TSHZ1: variants seen among roughly 807,000 people sequenced by gnomAD.
The protein encoded by TSHZ1 is teashirt zinc finger homeobox 1.
Under a neutral mutation model 67.1 loss-of-function variants are expected in TSHZ1, and 12 were observed. The ratio of observed to expected loss-of-function variants is 0.18; its 90% confidence interval spans 0.11 to 0.29. The LOEUF (loss-of-function observed/expected upper bound fraction) is 0.29, where lower values mean the gene tolerates loss of function less well. TSHZ1 is among the 10% of genes least tolerant of loss of function. The pLI is 1.00. For synonymous variants in TSHZ1, 632 were observed against 622.4 expected, an observed-to-expected ratio of 1.02 and a Z score of -0.23; for missense variants, 1,305 against 1,413.9, an observed-to-expected ratio of 0.92 and a Z score of 1.23.
intron 1 of TSHZ1, among the ~76,000 whole-genome samples, chr18:75,275,089 G>T (rs1437674199): frequency 6.6e-6 from 1 of 152,188 alleles, no homozygotes; most frequent in Non-Finnish European, 1.5e-5. Flanking sequence ...CAGGTGCCTG[G>T]TACACGTCCT....
At chr18:75,227,129 C>G (rs75248533) in intron 1 of TSHZ1, among the ~76,000 whole-genome samples, 1 of 152,144 alleles carries the variant, frequency 6.6e-6, no homozygotes, top group Non-Finnish European at 1.5e-5. Flanking sequence ...GAGTAATACT[C>G]AGTGAGACAA....
chr18:75,251,540 G>A (rs138812085), intron 1 of TSHZ1, among the ~76,000 whole-genome samples: 2 of 135,686 alleles, frequency 1.5e-5, no homozygotes, highest in Non-Finnish European at 3.1e-5. Context: ...GGCACCTACT[G>A]CAAACCTGTT....
intron 1 of TSHZ1, among the ~76,000 whole-genome samples, chr18:75,234,915 C>A (rs2023047943): frequency 6.6e-6 from 1 of 152,170 alleles, no homozygotes; most frequent in Non-Finnish European, 1.5e-5. Flanking sequence ...CCTTTTATTT[C>A]ATTTTCTCAG....
At chr18:75,261,789 T>C (rs2023433856) in intron 1 of TSHZ1, among the ~76,000 whole-genome samples, 1 of 152,236 alleles carries the variant, frequency 6.6e-6, no homozygotes, top group Non-Finnish European at 1.5e-5. Flanking sequence ...GTATTTGAAA[T>C]CAAATGAGAG....
At chr18:75,273,626 G>A (rs561635573) in intron 1 of TSHZ1, among the ~76,000 whole-genome samples, 64 of 152,250 alleles carry the variant, frequency 4.2e-4, no homozygotes, top group African/African-American at 1.4e-3. Flanking sequence ...GTGTGTTTAC[G>A]TTGTAAACCG....
intron 1 of TSHZ1, among the ~76,000 whole-genome samples, chr18:75,231,792 C>T (rs2122535551): frequency 6.6e-6 from 1 of 152,222 alleles, no homozygotes; most frequent in Non-Finnish European, 1.5e-5. Flanking sequence ...CTTTGGCCTC[C>T]CAAAGTGCTG....
At chr18:75,240,592 G>A (rs2023142868) in intron 1 of TSHZ1, among the ~76,000 whole-genome samples, 1 of 152,178 alleles carries the variant, frequency 6.6e-6, no homozygotes, top group Admixed American at 6.5e-5. Context: ...CTCAGCTGGA[G>A]CACACTGTTT....
chr18:75,268,949 A>T (rs1305600179), intron 1 of TSHZ1, among the ~76,000 whole-genome samples: 1 of 152,112 alleles, frequency 6.6e-6, no homozygotes, highest in Non-Finnish European at 1.5e-5. Context: ...TGTTGTTCCT[A>T]TTCACAGTCA....
intron 1 of TSHZ1, among the ~76,000 whole-genome samples, chr18:75,236,206 C>T (rs2023068669): frequency 6.6e-6 from 1 of 152,182 alleles, no homozygotes; most frequent in Non-Finnish European, 1.5e-5. Flanking sequence ...AATCTTTCCC[C>T]ACCTGACCAG....
At chr18:75,247,878 T>TTA (rs58013541) in intron 1 of TSHZ1, among the ~76,000 whole-genome samples, 2 of 151,464 alleles carry the variant, frequency 1.3e-5, no homozygotes, top group African/African-American at 4.9e-5. Flanking sequence ...TTTTTTTTTT[T>TTA]ACTTCCTGTT....
chr18:75,219,167 G>A (rs1251647478), intron 1 of TSHZ1, among the ~76,000 whole-genome samples: 2 of 152,166 alleles, frequency 1.3e-5, no homozygotes, highest in African/African-American at 2.4e-5. Flanking sequence ...AGAAGAGAAT[G>A]CTAAAGGAAA....
chr18:75,273,388 T>G (rs1361178114), intron 1 of TSHZ1, among the ~76,000 whole-genome samples: 7 of 152,210 alleles, frequency 4.6e-5, no homozygotes, highest in South Asian at 2.1e-4. Context: ...ATTTGCAACT[T>G]CACCACATTT....
At chr18:75,276,259 C>G (rs1183716676) in intron 1 of TSHZ1, among the ~76,000 whole-genome samples, 4 of 149,418 alleles carry the variant, frequency 2.7e-5, no homozygotes, top group Non-Finnish European at 4.4e-5. Context: ...ATTTTATTTG[C>G]AGACTCTGAA....
At chr18:75,280,265 A>C (rs1360879221) in intron 1 of TSHZ1, among the ~76,000 whole-genome samples, 1 of 152,254 alleles carries the variant, frequency 6.6e-6, no homozygotes, top group Admixed American at 6.5e-5. Flanking sequence ...ATCTTTGTGC[A>C]TGAAGCTTTT....
intron 1 of TSHZ1, among the ~76,000 whole-genome samples, chr18:75,215,785 T>C (rs2022758701): frequency 6.6e-6 from 1 of 152,210 alleles, no homozygotes; most frequent in African/African-American, 2.4e-5. Flanking sequence ...GTGGTGCCAC[T>C]GTAATGGCCG....
In TSHZ1 at chr18:75,287,864, G is replaced by A. The variant is rs139943074; in HGVS notation, c.2457G>A (p.Pro819=). Residue 819 remains proline, a synonymous_variant, in exon 2 of 2, where the codon CCG becomes CCA. Transcript: ENST00000580243. The surrounding 1 kb of genome is among the most constrained non-coding windows in gnomAD (Gnocchi z 5.0). ...ACTTAACCAAGTCCAAGAACAAGCC[G>A]CTGGTGTCCAGCGTGGCTGATTCGG... The part of the protein sequence containing the change: ...PIDLTKSKNK[P]LVSSVADSVA... 498 of 1,614,174 alleles carry A rather than the reference G, an allele frequency of 3.1e-4. 1 individual carries two copies. Among genetic ancestry groups the A allele is most frequent in the East Asian group, 1.6e-3 (72 of 44,882 alleles).
chr18:75,237,938 G>A (rs985385505), intron 1 of TSHZ1, among the ~76,000 whole-genome samples: 3 of 151,936 alleles, frequency 2.0e-5, no homozygotes, highest in Non-Finnish European at 4.4e-5. Flanking sequence ...TCAGCCTCCC[G>A]AGTAGCTGGG....
intron 1 of TSHZ1, among the ~76,000 whole-genome samples, chr18:75,274,734 A>AT (rs1031365195): frequency 3.7e-4 from 56 of 152,184 alleles, no homozygotes; most frequent in African/African-American, 1.2e-3. Context: ...TGCCAAAGTA[A>AT]TTTTTTTTAA....
intron 1 of TSHZ1, among the ~76,000 whole-genome samples, chr18:75,246,445 T>TGTGTGTGTGTGTGTGTGTGC (rs59065895): frequency 7.5e-6 from 1 of 133,574 alleles, no homozygotes; most frequent in Non-Finnish European, 1.6e-5. Flanking sequence ...TGTGTGTGTG[T>TGTGTGTGTGTGTGTGTGTGC]CAGAGAGAAA....
Sources: allele counts gnomAD v4.1 joint callset (sites outside exome capture counted in the v4.1 genomes callset), GRCh38; gene constraint gnomAD v4.1.1; non-coding constraint Gnocchi (gnomAD v3.1); transcripts MANE v1.5; gene names NCBI Gene and HGNC (gene_info 2026-07-23, HGNC 2026-07-21).